Variants in SHROOM3 observed in about 807,000 individuals in gnomAD.
SHROOM3 encodes shroom family member 3.
In SHROOM3, 47 loss-of-function variants were observed where a neutral mutation model predicts 138.6. That is an observed-to-expected ratio of 0.34 (90% CI 0.27 to 0.43). SHROOM3 has a LOEUF of 0.43. Among genes scored for constraint, SHROOM3 ranks in the 20% least tolerant of loss-of-function variants. The probability of loss-of-function intolerance (pLI) is 1.00; values close to 1 mark genes in which losing one functional copy is unlikely to be tolerated. For missense variants in SHROOM3, 2,491 were observed against 2,596.5 expected, an observed-to-expected ratio of 0.96 and a Z score of 0.88; for synonymous variants, 1,062 against 1,063.3, an observed-to-expected ratio of 1.00 and a Z score of 0.02.
intron 1 of SHROOM3, among the ~76,000 whole-genome samples, chr4:76,523,364 G>C (rs1362471579): frequency 6.6e-6 from 1 of 152,164 alleles, no homozygotes; most frequent in African/African-American, 2.4e-5. Flanking sequence ...CCCAGGTACT[G>C]AGTAGACCTG....
At chr4:76,561,272 TTAGTAGTACTAG>T (rs1417729171) in intron 2 of SHROOM3, among the ~76,000 whole-genome samples, 2 of 152,160 alleles carry the variant, frequency 1.3e-5, no homozygotes, top group African/African-American at 4.8e-5. Context: ...ATATACGTGT[TTAGTAGTACTAG>T]TAGTAGTAGT....
chr4:76,733,658 C>T (rs933400056), intron 4 of SHROOM3, among the ~76,000 whole-genome samples: 11 of 152,112 alleles, frequency 7.2e-5, no homozygotes, highest in Admixed American at 1.3e-4. Flanking sequence ...CTGAGGAGCA[C>T]AGTGGCATCT....
At chr4:76,542,999 A>G (rs1733138107) in intron 1 of SHROOM3, among the ~76,000 whole-genome samples, 1 of 152,164 alleles carries the variant, frequency 6.6e-6, no homozygotes, top group Non-Finnish European at 1.5e-5. Flanking sequence ...AATGGCAGAC[A>G]TTCTGTCCCC....
In SHROOM3 at chr4:76,693,370, GTTTTT is replaced by G. The variant is rs10648549; in HGVS notation, c.324-16767_324-16763del. 3.1e-4 allele frequency among the ~76,000 whole-genome samples: 25 copies of G among 79,836 alleles called. 1 individual carries two copies. The East Asian group carries it at 5.0e-3, about 16-fold the overall frequency. 52.4% of individuals were successfully genotyped at this position (79,836 alleles called of 152,430 possible). ...TGCATACCTTCATTTTGATAAGTTTGTTTTTTTTTTTTTTTTTTTTTTTAAAGCAA... is the reference window on the plus strand; with the variant it reads ...TGCATACCTTCATTTTGATAAGTTTGTTTTTTTTTTTTTTTTTTAAAGCAA... On this transcript the variant is annotated intron_variant, in intron 2 of 10. Coordinates refer to ENST00000296043, the MANE Select transcript of SHROOM3 (RefSeq NM_020859.4).
Position 76,708,735 on chromosome 4 carries a change from A to G in SHROOM3, c.324-1421A>G, listed in dbSNP as rs550833232. On this transcript the variant is annotated intron_variant, in intron 2 of 10. Transcript: ENST00000296043. ...AAAGTCACAGAGCTGCTCAGTGGGTAGAGCCAGGACTCAGACTCCAGAGTC... is the reference window on the plus strand; with the variant it reads ...AAAGTCACAGAGCTGCTCAGTGGGTGGAGCCAGGACTCAGACTCCAGAGTC... 7.9e-5 allele frequency among the ~76,000 whole-genome samples: 12 copies of G among 152,340 alleles called. No individual in the cohort carries two copies. The South Asian group carries it at 2.3e-3, about 29-fold the overall frequency.
At chr4:76,726,254 C>T (rs992392652) in intron 3 of SHROOM3, among the ~76,000 whole-genome samples, 4 of 152,096 alleles carry the variant, frequency 2.6e-5, no homozygotes, top group African/African-American at 7.2e-5. Flanking sequence ...TGTGGAAGCT[C>T]CTCTTGGGCT....
At chr4:76,472,558 A>G (rs192551978) in intron 1 of SHROOM3, among the ~76,000 whole-genome samples, 4 of 152,230 alleles carry the variant, frequency 2.6e-5, no homozygotes, top group African/African-American at 7.2e-5. Context: ...TTATGCATCT[A>G]TATTATATGT....
Position 76,741,684 on chromosome 4 carries a change from A to G in SHROOM3, c.3511A>G (p.Ser1171Gly). 1 of 1,552,726 alleles carries G rather than the reference A, an allele frequency of 6.4e-7. No individual in the cohort carries two copies. The highest frequency in any genetic ancestry group is 8.7e-7 in the Non-Finnish European group (1 of 1,150,978). ...AETQQAPRDR[S>G]SSFAGGRRLG... ...AACCCAGCAGGCTCCCCGAGATCGCAGCAGCTCCTTCGCCGGTGGCCGCCG... is the reference window on the plus strand; with the variant it reads ...AACCCAGCAGGCTCCCCGAGATCGCGGCAGCTCCTTCGCCGGTGGCCGCCG... The change falls in exon 5 of 11, where the codon AGC (serine) becomes GGC (glycine). Residue 1171 changes from serine (S) to glycine (G), a missense_variant. Transcript: ENST00000296043. This position sits in a 1 kb window ranked among gnomAD's most constrained non-coding sequence, Gnocchi z 6.2.
chr4:76,529,395 C>T (rs1732782391), intron 1 of SHROOM3, among the ~76,000 whole-genome samples: 1 of 151,958 alleles, frequency 6.6e-6, no homozygotes, highest in Non-Finnish European at 1.5e-5. Flanking sequence ...CGGCTCACTG[C>T]AAGCTCCACC....
Position 76,664,537 on chromosome 4 carries a change from G to A in SHROOM3, c.324-45619G>A, listed in dbSNP as rs545241443. Among the ~76,000 whole-genome samples, 2 of 152,296 alleles carry A rather than the reference G, an allele frequency of 1.3e-5. No individual in the cohort carries two copies. The highest frequency in any genetic ancestry group is 2.4e-5 in the African/African-American group (1 of 41,554). On this transcript the variant is annotated intron_variant, in intron 2 of 10. Coordinates refer to ENST00000296043, the MANE Select transcript of SHROOM3 (RefSeq NM_020859.4). This position sits in a 1 kb window ranked among gnomAD's most constrained non-coding sequence, Gnocchi z 4.2. ...AATAGTCGTGATGATGATGATGCCT[G>A]CCATTCATCCCCAGAAATTCTGATT...
chr4:76,620,091 A>AAAAAAAAAAAAAAAAAAAAAAAAAAAG (rs749696462), intron 2 of SHROOM3, among the ~76,000 whole-genome samples: 1 of 135,354 alleles, frequency 7.4e-6, no homozygotes, highest in Admixed American at 7.7e-5. Context: ...AAAAAAAAAA[A>AAAAAAAAAAAAAAAAAAAAAAAAAAAG]AAGAAGAAAA....
chr4:76,541,237 T>C (rs17002070), intron 1 of SHROOM3, among the ~76,000 whole-genome samples: 4,074 of 152,228 alleles, frequency 0.027, 198 homozygotes, highest in African/African-American at 0.091. Flanking sequence ...AGATTATGAC[T>C]TAAACATAAA....
At chr4:76,735,166 T>G (rs1487736439) in intron 4 of SHROOM3, among the ~76,000 whole-genome samples, 1 of 152,174 alleles carries the variant, frequency 6.6e-6, no homozygotes, top group Non-Finnish European at 1.5e-5. Context: ...TGCACCCCTC[T>G]TGAGAGTAAG....
intron 2 of SHROOM3, among the ~76,000 whole-genome samples, chr4:76,615,039 C>G (rs930588556): frequency 2.6e-5 from 4 of 152,124 alleles, no homozygotes; most frequent in Non-Finnish European, 4.4e-5. Flanking sequence ...GATCAAGGAG[C>G]TTATCAGGGT....
rs948504741 is a variant in SHROOM3, at chr4:76,737,297, A to G, written c.588-1464A>G. Among the ~76,000 whole-genome samples, 3 of 145,906 alleles carry G rather than the reference A, an allele frequency of 2.1e-5. No homozygotes were observed. The Admixed American group carries it at 2.1e-4, about 10-fold the overall frequency. ...TTTTTTAAGTAATGAATAACATTCC[A>G]TTGTGTAGATATACCACAGTTTATT... On this transcript the variant is annotated intron_variant, in intron 4 of 10. Transcript: ENST00000296043.
chr4:76,721,168 G>A (rs1720538994), intron 3 of SHROOM3, among the ~76,000 whole-genome samples: 1 of 151,440 alleles, frequency 6.6e-6, no homozygotes, highest in African/African-American at 2.4e-5. Context: ...AAAATTAGCC[G>A]GGCGTAGTGG....
intron 2 of SHROOM3, among the ~76,000 whole-genome samples, chr4:76,673,201 G>A (rs891917489): frequency 6.6e-6 from 1 of 152,148 alleles, no homozygotes; most frequent in Non-Finnish European, 1.5e-5. Flanking sequence ...GGTTCCTTAA[G>A]CTTCTCATTT....
intron 2 of SHROOM3, among the ~76,000 whole-genome samples, chr4:76,623,916 C>G (rs2110067766): frequency 6.6e-6 from 1 of 152,274 alleles, no homozygotes; most frequent in South Asian, 2.1e-4. Context: ...CATTTTCTTT[C>G]TAAAGCATAC....
chr4:76,443,048 TG>T, intron 1 of SHROOM3, among the ~76,000 whole-genome samples: 1 of 152,366 alleles, frequency 6.6e-6, no homozygotes, highest in Non-Finnish European at 1.5e-5. Context: ...GTCTTTCATA[TG>T]CACATATGTA....
Sources: gnomAD v4.1 joint callset for allele counts (sites outside exome capture counted in the v4.1 genomes callset) on GRCh38, gnomAD v4.1.1 for gene constraint, Gnocchi (gnomAD v3.1) non-coding constraint, MANE v1.5 for transcripts, NCBI Gene and HGNC (gene_info 2026-07-23, HGNC 2026-07-21) for gene names.